The following ABHD12B variants were observed in gnomAD, a reference collection of about 807,000 sequenced individuals.
The protein encoded by ABHD12B is protein ABHD12B.
A neutral mutation model predicts 50.4 loss-of-function variants in ABHD12B; 42 were observed. The observed-to-expected ratio is 0.83, with a 90% CI of 0.65 to 1.08. The LOEUF (loss-of-function observed/expected upper bound fraction) is 1.08, where lower values mean the gene tolerates loss of function less well. Ranked by LOEUF, ABHD12B falls within the 50% of genes least tolerant of loss-of-function variation. The probability of loss-of-function intolerance (pLI) is 0.00; values close to 1 mark genes in which losing one functional copy is unlikely to be tolerated. For synonymous variants in ABHD12B, 167 were observed against 160.3 expected (o/e 1.04, Z -0.32); for missense variants, 479 against 447.7 (o/e 1.07, Z -0.63).
rs1481640033 is a variant in ABHD12B at position 50,872,169 on chromosome 14, CGCGGGA to C, written c.-5_1del. 7.5e-7 allele frequency: 1 copy of C among 1,327,944 alleles called. No individual in the cohort carries two copies. Among genetic ancestry groups the C allele is most frequent in the African/African-American group, 1.5e-5 (1 of 65,522 alleles). The allele number at this position is 1,327,944 out of a possible 1,614,324, so 82.3% of individuals were successfully genotyped here. A position where few individuals can be genotyped will look rare whatever the true frequency, so the allele number is the denominator to read the frequency against. On this transcript the variant is annotated start_lost and 5_prime_UTR_variant, in exon 1 of 13. Transcript: ENST00000337334. The stretch of plus-strand genomic sequence containing the variant: ...GCGGTGGCGGCGTATCGGGACACGG[CGCGGGA>C]TGGACGCGCAGGACTGCCAGGCGGC...
intron 9 of ABHD12B, among the ~76,000 whole-genome samples, chr14:50,899,698 C>A (rs570244023): frequency 6.6e-6 from 1 of 151,646 alleles, no homozygotes; most frequent in African/African-American, 2.4e-5. Flanking sequence ...CTGAGGCAGG[C>A]GGATCATTTG....
intron 9 of ABHD12B, among the ~76,000 whole-genome samples, chr14:50,890,516 C>CT (rs2050103264): frequency 6.6e-6 from 1 of 152,126 alleles, no homozygotes; most frequent in Non-Finnish European, 1.5e-5. Context: ...GTACATGCAT[C>CT]TCTGAGCAAT....
chr14:50,882,373 C>CTTTTTTTTTTTTT lies in ABHD12B; in HGVS notation c.486+756_486+768dup, dbSNP rs386381352. Among the ~76,000 whole-genome samples the CTTTTTTTTTTTTT allele has an allele frequency of 1.6e-3, 130 of 81,838 alleles. 20 individuals carry two copies. The highest frequency in any genetic ancestry group is 6.0e-3 in the East Asian group (13 of 2,172). 53.7% of individuals were successfully genotyped at this position (81,838 alleles called of 152,430 possible). A position where few individuals can be genotyped will look rare whatever the true frequency, so the allele number is the denominator to read the frequency against. On this transcript the variant is annotated intron_variant, in intron 5 of 12. Transcript: ENST00000337334. ...ATAGGCTAAAGACACAGAATGTCTG[C>CTTTTTTTTTTTTT]TTTTTTTTTTTTTTTTTTTTTGAGA...
rs1317305047 is a variant in ABHD12B at position 50,885,913 on chromosome 14, A to C, written c.662+18A>C. 1 of 1,613,544 alleles carries C rather than the reference A, an allele frequency of 6.2e-7. No individual in the cohort carries two copies. On this transcript the variant is annotated intron_variant, in intron 7 of 12. Transcript: ENST00000337334. ...GGTACAGGGTAAGTGAGATCTGCAAATGTGTCCTTAGGCAGGTCCTTGAGG... is the reference window on the plus strand; with the variant it reads ...GGTACAGGGTAAGTGAGATCTGCAACTGTGTCCTTAGGCAGGTCCTTGAGG...
Position 50,888,856 on chromosome 14 carries a change from C to G in ABHD12B, c.733C>G (p.Pro245Ala). 1 of 1,613,978 alleles carries G rather than the reference C, an allele frequency of 6.2e-7. No individual in the cohort carries two copies. The highest frequency in any genetic ancestry group is 1.1e-5 in the South Asian group (1 of 91,066). ...AGTTGATGCTATTGTCTTGGAAGCT[C>G]CATTTACCAACATGTGGGTTGCAAG... ...CPVDAIVLEA[P>A]FTNMWVASIN... The change falls in exon 9 of 13, where the codon CCA (proline) becomes GCA (alanine). Residue 245 changes from proline to alanine, a missense_variant. Coordinates refer to ENST00000337334, the MANE Select transcript of ABHD12B (RefSeq NM_001206673.2).
At chr14:50,897,978 G>C (rs1274795924) in intron 9 of ABHD12B, among the ~76,000 whole-genome samples, 3 of 152,208 alleles carry the variant, frequency 2.0e-5, no homozygotes, top group Non-Finnish European at 4.4e-5. Context: ...TTTGCTCACA[G>C]GTGTGGCCAA....
chr14:50,872,229 G>C lies in ABHD12B; in HGVS notation c.55G>C (p.Ala19Pro), dbSNP rs1268597228. ...ATCGCCCGAGCCGCCCGGGCCCCCA[G>C]CCCGTAGCTGCGTGGCCGCCTGGTG... is the stretch of plus-strand genomic sequence containing the variant. ...AASPEPPGPP[A>P]RSCVAAWWDM... Residue 19 changes from alanine to proline, a missense_variant, in exon 1 of 13, where the codon GCC (alanine) becomes CCC (proline). By Grantham distance (27) the Ala-to-Pro change is conservative. Transcript: ENST00000337334. 1 of 1,393,038 alleles carries C rather than the reference G, an allele frequency of 7.2e-7. No homozygotes were observed. The highest frequency in any genetic ancestry group is 3.1e-5 in the East Asian group (1 of 32,418). 86.3% of individuals were successfully genotyped at this position (1,393,038 alleles called of 1,614,324 possible).
Position 50,904,462 on chromosome 14 carries a change from T to A in ABHD12B, c.*96T>A. On this transcript the variant is annotated 3_prime_UTR_variant, in exon 13 of 13. Transcript: ENST00000337334. ...GTAAAATTGTACTGGGCTGGTCGGA[T>A]GAGCTGAGGCCATTGACTTCTCTAC... 1.3e-6 allele frequency: 2 copies of A among 1,512,254 alleles called. No individual in the cohort carries two copies. Among genetic ancestry groups the A allele is most frequent in the Non-Finnish European group, 1.8e-6 (2 of 1,095,638 alleles). 93.7% of individuals were successfully genotyped at this position (1,512,254 alleles called of 1,614,324 possible).
intron 1 of ABHD12B, among the ~76,000 whole-genome samples, chr14:50,877,153 C>T (rs1466704363): frequency 2.6e-5 from 4 of 152,226 alleles, no homozygotes; most frequent in Non-Finnish European, 5.9e-5. Flanking sequence ...CCCTGTGCCT[C>T]ATGGGTCCAT....
intron 11 of ABHD12B, 67 bp downstream of exon 11, chr14:50,903,534 A>T (rs544521156): frequency 3.0e-5 from 42 of 1,389,364 alleles, no homozygotes; most frequent in Non-Finnish European, 4.1e-5. Flanking sequence ...TCATTCAGCC[A>T]AACTTTGATT....
intron 3 of ABHD12B, among the ~76,000 whole-genome samples, 191 bp from the exon 4 acceptor site, chr14:50,880,261 A>G (rs947786464): frequency 5.3e-5 from 8 of 152,206 alleles, no homozygotes; most frequent in Non-Finnish European, 1.0e-4. Flanking sequence ...GCATGGGGAC[A>G]TGGGGTAGGG....
intron 9 of ABHD12B, chr14:50,893,638 G>C (rs55848853): frequency 0.053 from 8,329 of 158,580 alleles, 742 homozygotes; most frequent in African/African-American, 0.19. Context: ...CGGATCGGGG[G>C]ACCTCCCTTG....
intron 11 of ABHD12B, 161 bp from the exon 12 acceptor site, chr14:50,903,913 G>A: frequency 1.6e-6 from 1 of 633,500 alleles, no homozygotes; most frequent in Non-Finnish European, 2.8e-6. Flanking sequence ...CAGATCTTTA[G>A]CTGTAGAGAC....
At chr14:50,880,751 A>G (rs1254987556) in intron 4 of ABHD12B, among the ~76,000 whole-genome samples, 180 bp downstream of exon 4, 1 of 152,196 alleles carries the variant, frequency 6.6e-6, no homozygotes, top group South Asian at 2.1e-4. Flanking sequence ...ATTATTCTAT[A>G]TGTAGAATAA....
At position 50,878,008 on chromosome 14, in the gene ABHD12B, G is replaced by C; in HGVS notation, c.161G>C (p.Ser54Thr). 6.5e-7 allele frequency: 1 copy of C among 1,535,242 alleles called. No individual in the cohort carries two copies. Among genetic ancestry groups the C allele is most frequent in the Non-Finnish European group, 8.7e-7 (1 of 1,146,512 alleles). ...AGAAAAATTGCTGCTCTGTATGACAGCTTTACTAGTAAATCCTTAAAAGAA... is the reference window on the plus strand; with the variant it reads ...AGAAAAATTGCTGCTCTGTATGACACCTTTACTAGTAAATCCTTAAAAGAA... ...LGRKIAALYD[S>T]FTSKSLKEHV... The change falls in exon 2 of 13, where the codon AGC (serine) becomes ACC (threonine). Residue 54 changes from serine (S) to threonine (T), a missense_variant. Physicochemically the swap from Ser to Thr is moderately conservative, Grantham distance 58. Coordinates refer to ENST00000337334, the MANE Select transcript of ABHD12B (RefSeq NM_001206673.2).
At chr14:50,898,644 A>G (rs2050226569) in intron 9 of ABHD12B, among the ~76,000 whole-genome samples, 1 of 152,012 alleles carries the variant, frequency 6.6e-6, no homozygotes, top group South Asian at 2.1e-4. Flanking sequence ...CTTTCTTCCT[A>G]CTCTTTCAGA....
At chr14:50,893,077 TG>T (rs1320737044) in intron 9 of ABHD12B, 9 of 152,382 alleles carry the variant, frequency 5.9e-5, no homozygotes, top group Admixed American at 1.3e-4. Flanking sequence ...ATTTTCCATA[TG>T]CTTGAAAAGA....
intron 9 of ABHD12B, chr14:50,891,291 G>A (rs889555061): frequency 6.6e-6 from 1 of 152,118 alleles, no homozygotes; most frequent in Non-Finnish European, 1.5e-5. Flanking sequence ...CGTCCAGGCT[G>A]GAGTGCAGTG....
chr14:50,878,322 T>C (rs984468911), intron 2 of ABHD12B, among the ~76,000 whole-genome samples: 12 of 152,206 alleles, frequency 7.9e-5, no homozygotes, highest in Admixed American at 3.9e-4. Flanking sequence ...TTCTAGTTCT[T>C]ACCTGCTTGC....
Sources: allele counts gnomAD v4.1 joint callset (sites outside exome capture counted in the v4.1 genomes callset), GRCh38; gene constraint gnomAD v4.1.1; transcripts MANE v1.5; gene names NCBI Gene and HGNC (gene_info 2026-07-23, HGNC 2026-07-21).